KIAA1671: variants seen among roughly 807,000 people sequenced by gnomAD.
KIAA1671 encodes the protein KIAA1671.
Under a neutral mutation model 131.2 loss-of-function variants are expected in KIAA1671, and 52 were observed. The ratio of observed to expected loss-of-function variants is 0.40; its 90% CI spans 0.32 to 0.50. The LOEUF (loss-of-function observed/expected upper bound fraction) is 0.50. Among genes scored for constraint, KIAA1671 ranks in the 20% least tolerant of loss-of-function variants. The probability of loss-of-function intolerance (pLI) is 0.73; values close to 1 mark genes in which losing one functional copy is unlikely to be tolerated. For synonymous variants in KIAA1671, 1,003 were observed against 961.6 expected (o/e 1.04, Z -0.80); for missense variants, 2,360 against 2,364.2 (o/e 1.00, Z 0.04).
chr22:25,037,741 T>C (rs1361547534), intron 4 of KIAA1671, among the ~76,000 whole-genome samples: 1 of 152,210 alleles, frequency 6.6e-6, no homozygotes, highest in Non-Finnish European at 1.5e-5. Flanking sequence ...ATGCTGTATA[T>C]AAATGGAGTC....
At chr22:24,971,786 A>C (rs1220767067) in intron 1 of KIAA1671, among the ~76,000 whole-genome samples, 2 of 152,104 alleles carry the variant, frequency 1.3e-5, no homozygotes, top group Non-Finnish European at 2.9e-5. Context: ...TTGGGGGGTT[A>C]CCTGGGCTTC....
chr22:25,085,768 A>C (rs1929676073), intron 6 of KIAA1671, among the ~76,000 whole-genome samples: 1 of 106,312 alleles, frequency 9.4e-6, no homozygotes, highest in Non-Finnish European at 1.8e-5. Flanking sequence ...TAAGTGGTGA[A>C]GGAAGGAAGG....
chr22:25,088,818 G>A (rs1026969896), intron 6 of KIAA1671, among the ~76,000 whole-genome samples: 3 of 152,114 alleles, frequency 2.0e-5, no homozygotes, highest in Non-Finnish European at 2.9e-5. Context: ...TATTCTCTGC[G>A]TACATAAGAC....
At chr22:25,080,805 T>C (rs904750543) in intron 6 of KIAA1671, among the ~76,000 whole-genome samples, 2 of 151,998 alleles carry the variant, frequency 1.3e-5, no homozygotes, top group Non-Finnish European at 2.9e-5. Flanking sequence ...ATATGTAAAA[T>C]AGATTGCTTT....
chr22:25,040,117 G>T lies in KIAA1671; in HGVS notation c.2987G>T (p.Arg996Met). 2 of 1,551,708 alleles carry T rather than the reference G, an allele frequency of 1.3e-6. No homozygotes were observed. Among genetic ancestry groups the T allele is most frequent in the Non-Finnish European group, 1.7e-6 (2 of 1,147,012 alleles). Residue 996 changes from arginine (R) to methionine (M), a missense_variant, in exon 5 of 13, where the codon AGG becomes ATG. Arg to Met is a moderately conservative substitution (Grantham distance 91). Around this residue, in one of 3 missense-constraint regions of KIAA1671, gnomAD observed 1,161 missense variants for 1,204.7 expected, o/e 0.96. Transcript: ENST00000358431. ...AGAAAACCTCAACTATCCCACTACA[G>T]GGTGGAGACCCAGGAGGTGAACCCA... The part of the protein sequence containing the change: ...ALRKPQLSHY[R>M]VETQEVNPGA...
chr22:25,179,801 T>C (rs949250730), intron 9 of KIAA1671, among the ~76,000 whole-genome samples: 3 of 152,258 alleles, frequency 2.0e-5, no homozygotes, highest in Admixed American at 2.0e-4. Flanking sequence ...TTAGGTTTGC[T>C]CGCTGGTCTT....
intron 6 of KIAA1671, among the ~76,000 whole-genome samples, chr22:25,075,180 T>G (rs1929038856): frequency 6.6e-6 from 1 of 152,144 alleles, no homozygotes; most frequent in East Asian, 1.9e-4. Context: ...TCTGGAGACA[T>G]GTTTGATTGT....
chr22:25,123,186 T>C (rs944730667), intron 6 of KIAA1671, among the ~76,000 whole-genome samples: 1 of 135,386 alleles, frequency 7.4e-6, no homozygotes, highest in East Asian at 2.1e-4. Flanking sequence ...ACTTCTGAGA[T>C]GAGGTTTTTT....
chr22:25,131,936 A>C (rs931702261), intron 6 of KIAA1671, among the ~76,000 whole-genome samples: 6 of 152,150 alleles, frequency 3.9e-5, no homozygotes. Flanking sequence ...ATGGGTGTGA[A>C]ACTCTTTAGC....
chr22:25,159,672 TC>T (rs1933369701), intron 6 of KIAA1671, among the ~76,000 whole-genome samples: 1 of 152,132 alleles, frequency 6.6e-6, no homozygotes, highest in Non-Finnish European at 1.5e-5. Context: ...CCTCCAAGCT[TC>T]CCATTTTACA....
intron 6 of KIAA1671, among the ~76,000 whole-genome samples, chr22:25,147,034 A>G (rs1384544441): frequency 6.6e-6 from 1 of 152,138 alleles, no homozygotes; most frequent in Non-Finnish European, 1.5e-5. Flanking sequence ...GATGAGGGCA[A>G]TATGATTTAG....
intron 6 of KIAA1671, among the ~76,000 whole-genome samples, chr22:25,167,670 G>T (rs1219869986): frequency 6.6e-6 from 1 of 152,174 alleles, no homozygotes; most frequent in South Asian, 2.1e-4. Flanking sequence ...AGACAGAAAA[G>T]CTTCTACAGA....
intron 6 of KIAA1671, among the ~76,000 whole-genome samples, chr22:25,142,665 A>G (rs1423154780): frequency 6.6e-6 from 1 of 152,202 alleles, no homozygotes; most frequent in East Asian, 1.9e-4. Context: ...TGAGGTCAGG[A>G]GTTCGAGACC....
intron 1 of KIAA1671, among the ~76,000 whole-genome samples, chr22:24,974,220 C>G (rs1284043366): frequency 1.3e-5 from 2 of 152,158 alleles, no homozygotes; most frequent in African/African-American, 4.8e-5. Context: ...GACTGAAGTT[C>G]AGGTTTCCAG....
chr22:24,995,114 G>T (rs1045310720), intron 1 of KIAA1671, among the ~76,000 whole-genome samples: 1 of 144,786 alleles, frequency 6.9e-6, no homozygotes, highest in Non-Finnish European at 1.5e-5. Context: ...GCAGTGGCGC[G>T]ATCTCAGCTC....
intron 6 of KIAA1671, among the ~76,000 whole-genome samples, chr22:25,136,802 C>T (rs1203851055): frequency 6.6e-6 from 1 of 152,176 alleles, no homozygotes; most frequent in Non-Finnish European, 1.5e-5. Flanking sequence ...CAAGGCAGAA[C>T]TTAGACCAAT....
At chr22:25,141,309 T>C (rs1294932761) in intron 6 of KIAA1671, among the ~76,000 whole-genome samples, 2 of 152,116 alleles carry the variant, frequency 1.3e-5, no homozygotes, top group African/African-American at 4.8e-5. Context: ...CTCGGCTCAC[T>C]GAAAGCTCTG....
chr22:25,023,097 A>T (rs1294732529), intron 1 of KIAA1671: 5 of 152,374 alleles, frequency 3.3e-5, no homozygotes, highest in Non-Finnish European at 7.3e-5. Flanking sequence ...AGTCCCAGCT[A>T]CTTGGGAGGC....
At chr22:25,178,069 C>G (rs533430593) in intron 9 of KIAA1671, among the ~76,000 whole-genome samples, 1 of 152,182 alleles carries the variant, frequency 6.6e-6, no homozygotes, top group Non-Finnish European at 1.5e-5. Context: ...CAGCCACCCC[C>G]TTCACATTTT....
Sources: gnomAD v4.1 joint callset for allele counts (sites outside exome capture counted in the v4.1 genomes callset) on GRCh38, gnomAD v4.1.1 for gene constraint, gnomAD v4.1.1 regional missense constraint, MANE v1.5 for transcripts, NCBI Gene and HGNC (gene_info 2026-07-23, HGNC 2026-07-21) for gene names.